The following DISP1 variants were observed in gnomAD, a reference collection of about 807,000 sequenced individuals.
The protein encoded by DISP1 is dispatched RND transporter family member 1, also known as protein dispatched homolog 1.
A neutral mutation model predicts 37.3 loss-of-function variants in DISP1; 30 were observed. The observed-to-expected ratio is 0.80, with a 90% CI of 0.60 to 1.09. The LOEUF (loss-of-function observed/expected upper bound fraction) is 1.09, where lower values mean the gene tolerates loss of function less well. Among genes scored for constraint, DISP1 ranks in the 50% least tolerant of loss-of-function variants. The pLI, the probability that DISP1 is intolerant of heterozygous loss-of-function variation, is 0.00. For synonymous variants in DISP1, 634 were observed against 690.2 expected, an observed-to-expected ratio of 0.92 and a Z score of 1.28; for missense variants, 1,598 against 1,879.5, an observed-to-expected ratio of 0.85 and a Z score of 2.77.
chr1:222,947,260 A>T lies in DISP1; in HGVS notation c.509+3928A>T, dbSNP rs530888835. ...ATACCTCAAATAAGTTGAATCCTAT[A>T]GTATTTGCCTTTTTTTTGTCTGGCT... On this transcript the variant is annotated intron_variant, in intron 3 of 8. Coordinates refer to ENST00000675850, the MANE Select transcript of DISP1 (RefSeq NM_001377229.1). Among the ~76,000 whole-genome samples, 4 of 152,194 alleles carry T rather than the reference A, an allele frequency of 2.6e-5. No individual in the cohort carries two copies. In the South Asian group the frequency reaches 8.3e-4, roughly 32 times the overall value.
intron 1 of DISP1, among the ~76,000 whole-genome samples, chr1:222,869,067 T>C (rs1349120977): frequency 6.6e-6 from 1 of 152,126 alleles, no homozygotes. Flanking sequence ...TTGCTTAGTG[T>C]AATTACAATT....
chr1:222,885,345 T>G (rs1670529756), intron 1 of DISP1, among the ~76,000 whole-genome samples: 1 of 152,156 alleles, frequency 6.6e-6, no homozygotes, highest in Non-Finnish European at 1.5e-5. Context: ...TTTGAATTGG[T>G]TTTTGTGTCC....
chr1:222,984,166 G>T (rs1678047236), intron 4 of DISP1, among the ~76,000 whole-genome samples: 1 of 151,944 alleles, frequency 6.6e-6, no homozygotes, highest in Non-Finnish European at 1.5e-5. Flanking sequence ...AGCACTTTGG[G>T]AGGATGAGGC....
intron 3 of DISP1, among the ~76,000 whole-genome samples, chr1:222,945,114 A>G (rs1423244981): frequency 6.6e-6 from 1 of 152,180 alleles, no homozygotes; most frequent in Non-Finnish European, 1.5e-5. Context: ...ATCTGGTTAC[A>G]CTCTTTTTAA....
chr1:222,938,221 G>A (rs779985254), intron 2 of DISP1, among the ~76,000 whole-genome samples: 2 of 152,056 alleles, frequency 1.3e-5, no homozygotes, highest in African/African-American at 4.8e-5. Flanking sequence ...ACCCAAAACC[G>A]ATTTTAAACT....
At chr1:222,854,777 C>T (rs765759766) in intron 1 of DISP1, among the ~76,000 whole-genome samples, 12 of 151,156 alleles carry the variant, frequency 7.9e-5, no homozygotes, top group Admixed American at 1.3e-4. Context: ...GCAAATATTA[C>T]GCCTACCCAG....
intron 1 of DISP1, among the ~76,000 whole-genome samples, chr1:222,904,310 G>T (rs1369698705): frequency 6.6e-6 from 1 of 152,136 alleles, no homozygotes; most frequent in African/African-American, 2.4e-5. Flanking sequence ...CTGTGCTTAA[G>T]TAGTCATTCA....
At chr1:222,936,886 A>AAT (rs1558340360) in intron 2 of DISP1, among the ~76,000 whole-genome samples, 10 of 86,756 alleles carry the variant, frequency 1.2e-4, no homozygotes, top group African/African-American at 4.8e-4. Flanking sequence ...TATGATATAT[A>AAT]TAATATATTA....
At chr1:222,918,433 G>T (rs1370145868) in intron 1 of DISP1, among the ~76,000 whole-genome samples, 2 of 152,188 alleles carry the variant, frequency 1.3e-5, no homozygotes, top group Admixed American at 6.5e-5. Flanking sequence ...AGAAATTCAG[G>T]TAGTGGTATT....
chr1:222,882,350 A>G (rs927725331), intron 1 of DISP1, among the ~76,000 whole-genome samples: 5 of 152,070 alleles, frequency 3.3e-5, no homozygotes, highest in African/African-American at 1.2e-4. Context: ...ATTTTTCTTC[A>G]CTACTAGAGG....
At chr1:222,977,079 G>A (rs994798666) in intron 3 of DISP1, among the ~76,000 whole-genome samples, 12 of 152,120 alleles carry the variant, frequency 7.9e-5, no homozygotes, top group African/African-American at 2.9e-4. Flanking sequence ...GCCCAGGCTG[G>A]AGTACAATGG....
chr1:222,933,871 A>C (rs904389179), intron 2 of DISP1, among the ~76,000 whole-genome samples: 1 of 152,030 alleles, frequency 6.6e-6, no homozygotes, highest in Non-Finnish European at 1.5e-5. Context: ...TCTTTCATTA[A>C]AGATACAGAT....
chr1:222,871,861 G>C (rs916735755), intron 1 of DISP1, among the ~76,000 whole-genome samples: 1 of 152,160 alleles, frequency 6.6e-6, no homozygotes, highest in East Asian at 1.9e-4. Flanking sequence ...TCCCTGTCTT[G>C]TGCCAGTTTT....
chr1:222,875,209 AG>A (rs1249717972), intron 1 of DISP1, among the ~76,000 whole-genome samples: 1 of 152,026 alleles, frequency 6.6e-6, no homozygotes, highest in East Asian at 1.9e-4. Context: ...GCTACTTGGG[AG>A]CCTGAGGCAG....
At chr1:222,991,427 A>T in intron 5 of DISP1, 93 bp from the exon 6 acceptor site, 2 of 1,482,472 alleles carry the variant, frequency 1.3e-6, no homozygotes, top group Non-Finnish European at 1.9e-6. Context: ...TGAAAGCTAT[A>T]TATCACTTTG....
intron 4 of DISP1, among the ~76,000 whole-genome samples, chr1:222,984,522 TTA>T (rs1266427129): frequency 6.7e-6 from 1 of 149,524 alleles, no homozygotes; most frequent in African/African-American, 2.5e-5. Context: ...GGTTTATATG[TTA>T]TATATAACAG....
intron 1 of DISP1, among the ~76,000 whole-genome samples, chr1:222,832,473 C>T (rs1665996488): frequency 6.6e-6 from 1 of 152,142 alleles, no homozygotes; most frequent in Non-Finnish European, 1.5e-5. Context: ...ACTATTTTAT[C>T]ATGAATATCA....
At chr1:222,863,878 T>C (rs1224990861) in intron 1 of DISP1, among the ~76,000 whole-genome samples, 1 of 152,190 alleles carries the variant, frequency 6.6e-6, no homozygotes, top group Admixed American at 6.5e-5. Flanking sequence ...TTTTTTGGTG[T>C]AATAAGATAG....
Position 222,947,360 on chromosome 1 carries a change from C to A in DISP1, c.509+4028C>A, listed in dbSNP as rs1674869354. Among the ~76,000 whole-genome samples, 9 of 152,180 alleles carry A rather than the reference C, an allele frequency of 5.9e-5. No homozygotes were observed. The South Asian group carries it at 1.9e-3, about 32-fold the overall frequency. On this transcript the variant is annotated intron_variant, in intron 3 of 8. Coordinates refer to ENST00000675850, the MANE Select transcript of DISP1 (RefSeq NM_001377229.1). ...GTCATAATTTCCTTTCTTTTTAAGG[C>A]TGAATAATATTCCATTGTATATTTA...
Sources: allele counts gnomAD v4.1 joint callset (sites outside exome capture counted in the v4.1 genomes callset), GRCh38; gene constraint gnomAD v4.1.1; transcripts MANE v1.5; gene names NCBI Gene and HGNC (gene_info 2026-07-23, HGNC 2026-07-21).